The following PTPRD variants were observed in gnomAD, a reference collection of about 807,000 sequenced individuals.
The protein encoded by PTPRD is receptor-type tyrosine-protein phosphatase delta.
A neutral mutation model predicts 214.5 loss-of-function variants in PTPRD; 34 were observed. The observed-to-expected ratio is 0.16, with a 90% confidence interval of 0.12 to 0.21. The LOEUF (loss-of-function observed/expected upper bound fraction) is 0.21. PTPRD is among the 10% of genes least tolerant of loss of function. The pLI is 1.00. For synonymous variants in PTPRD, 1,128 were observed against 845.7 expected (o/e 1.33, Z -5.79); for missense variants, 2,545 against 2,398.7 (o/e 1.06, Z -1.27).
At chr9:9,352,979 G>A (rs368837650) in intron 9 of PTPRD, among the ~76,000 whole-genome samples, 1 of 151,808 alleles carries the variant, frequency 6.6e-6, no homozygotes, top group East Asian at 1.9e-4. Context: ...GTACTGCTTG[G>A]TGTTGTTGTA....
chr9:9,746,978 AG>A (rs1349048430), intron 6 of PTPRD, among the ~76,000 whole-genome samples: 3 of 152,198 alleles, frequency 2.0e-5, no homozygotes, highest in African/African-American at 7.2e-5. Context: ...TGTAGGTGTT[AG>A]GAAACGTTTA....
chr9:9,376,082 A>G (rs1295265227), intron 9 of PTPRD, among the ~76,000 whole-genome samples: 2 of 131,148 alleles, frequency 1.5e-5, no homozygotes, highest in East Asian at 2.4e-4. Flanking sequence ...CATCATTATT[A>G]TTTAGTAGAT....
At chr9:10,555,845 A>G (rs2062449368) in intron 2 of PTPRD, among the ~76,000 whole-genome samples, 1 of 152,204 alleles carries the variant, frequency 6.6e-6, no homozygotes, top group African/African-American at 2.4e-5. Context: ...GACATTGTAA[A>G]TATTGAGTAC....
At chr9:9,948,009 G>T (rs375148865) in intron 4 of PTPRD, among the ~76,000 whole-genome samples, 8 of 151,682 alleles carry the variant, frequency 5.3e-5, no homozygotes, top group African/African-American at 1.7e-4. Context: ...TTTTCTTCTT[G>T]ACTTTATGAA....
chr9:8,783,086 G>A (rs747831491), intron 11 of PTPRD, among the ~76,000 whole-genome samples: 9 of 152,082 alleles, frequency 5.9e-5, no homozygotes, highest in East Asian at 1.9e-4. Flanking sequence ...CAAGAAGTTC[G>A]AGCAAATTAC....
At chr9:8,974,742 T>C (rs2099258407) in intron 11 of PTPRD, among the ~76,000 whole-genome samples, 1 of 152,072 alleles carries the variant, frequency 6.6e-6, no homozygotes, top group African/African-American at 2.4e-5. Context: ...AGTAATAGTA[T>C]ATACTATTAG....
At chr9:9,459,052 C>T (rs547797029) in intron 8 of PTPRD, among the ~76,000 whole-genome samples, 8 of 152,070 alleles carry the variant, frequency 5.3e-5, no homozygotes, top group Admixed American at 2.6e-4. Context: ...AGAGAGCCCA[C>T]GTGAAGAAGC....
chr9:9,718,811 AG>A (rs2154430987), intron 7 of PTPRD, among the ~76,000 whole-genome samples: 1 of 152,314 alleles, frequency 6.6e-6, no homozygotes, highest in African/African-American at 2.4e-5. Context: ...GGTGCCAACA[AG>A]CACAGGAGGG....
intron 4 of PTPRD, among the ~76,000 whole-genome samples, chr9:9,946,210 A>ATCT (rs2092533331): frequency 6.6e-6 from 1 of 152,138 alleles, no homozygotes; most frequent in Non-Finnish European, 1.5e-5. Context: ...GCTTAAACAC[A>ATCT]AGCAATTATA....
At chr9:9,586,802 A>T (rs1455442888) in intron 7 of PTPRD, among the ~76,000 whole-genome samples, 1 of 151,976 alleles carries the variant, frequency 6.6e-6, no homozygotes, top group Admixed American at 6.6e-5. Context: ...GAGATATATC[A>T]CTTTGACATG....
At chr9:10,445,897 T>G (rs1339627951) in intron 2 of PTPRD, among the ~76,000 whole-genome samples, 1 of 152,048 alleles carries the variant, frequency 6.6e-6, no homozygotes, top group East Asian at 1.9e-4. Flanking sequence ...AAAAGATATG[T>G]TGAATAAGTG....
intron 2 of PTPRD, among the ~76,000 whole-genome samples, chr9:10,599,097 A>T (rs77236901): frequency 0.013 from 1,977 of 151,714 alleles, 20 homozygotes; most frequent in Middle Eastern, 0.068. Context: ...TGTGCGGCGA[A>T]ATTGGACCTA....
intron 7 of PTPRD, among the ~76,000 whole-genome samples, chr9:9,640,171 G>C (rs1402454601): frequency 2.0e-5 from 3 of 152,146 alleles, no homozygotes; most frequent in African/African-American, 7.2e-5. Flanking sequence ...AAATAAATCA[G>C]AGTACCCCAT....
intron 11 of PTPRD, among the ~76,000 whole-genome samples, chr9:8,762,565 C>A (rs1472607816): frequency 6.6e-6 from 1 of 152,074 alleles, no homozygotes; most frequent in Non-Finnish European, 1.5e-5. Context: ...GAAAGCAATA[C>A]AAACTAACCT....
At chr9:10,318,992 T>C (rs974541796) in intron 3 of PTPRD, among the ~76,000 whole-genome samples, 11 of 152,092 alleles carry the variant, frequency 7.2e-5, no homozygotes, top group Non-Finnish European at 1.6e-4. Flanking sequence ...TTGCTGCTGC[T>C]GCTTTTCCCT....
intron 11 of PTPRD, among the ~76,000 whole-genome samples, chr9:8,991,833 T>C (rs931255007): frequency 6.6e-6 from 1 of 152,148 alleles, no homozygotes; most frequent in Non-Finnish European, 1.5e-5. Context: ...TTCAGAGAAA[T>C]GCTAAATTAA....
At chr9:9,374,745 G>A (rs1300872072) in intron 9 of PTPRD, among the ~76,000 whole-genome samples, 2 of 152,242 alleles carry the variant, frequency 1.3e-5, no homozygotes, top group East Asian at 3.9e-4. Flanking sequence ...AAAGAACAAG[G>A]CACCAGCCTG....
chr9:10,014,704 A>G (rs576020686), intron 4 of PTPRD, among the ~76,000 whole-genome samples: 2 of 152,056 alleles, frequency 1.3e-5, no homozygotes, highest in Non-Finnish European at 2.9e-5. Context: ...AAGGAGAGAA[A>G]CACTTTGATT....
intron 9 of PTPRD, among the ~76,000 whole-genome samples, chr9:9,378,308 C>G (rs1018072157): frequency 6.6e-6 from 1 of 152,006 alleles, no homozygotes; most frequent in African/African-American, 2.4e-5. Context: ...GCCTTTTTTT[C>G]ACTTACGAAT....
Sources: allele counts gnomAD v4.1 joint callset (sites outside exome capture counted in the v4.1 genomes callset), GRCh38; gene constraint gnomAD v4.1.1; transcripts MANE v1.5; gene names NCBI Gene and HGNC (gene_info 2026-07-23, HGNC 2026-07-21).